Variants in ZNF853 observed in about 807,000 individuals in gnomAD.
ZNF853 encodes zinc finger protein 853.
ZNF853 carries 57 observed loss-of-function variants against 94.7 expected under a neutral mutation model. That is an observed-to-expected ratio of 0.60 (90% CI 0.49 to 0.75). The LOEUF is 0.75. Among genes scored for constraint, ZNF853 ranks in the 30% least tolerant of loss-of-function variants. The pLI is 0.00. For synonymous variants in ZNF853, 448 were observed against 406.3 expected (o/e 1.10, Z -1.23); for missense variants, 785 against 868.9 (o/e 0.90, Z 1.21).
In ZNF853 at chr7:6,621,318, G is replaced by A; in HGVS notation, c.327G>A (p.Leu109=). The stretch of plus-strand genomic sequence containing the variant: ...AGCAACAGCCGCAACACGAGCAGCT[G>A]CAACAGCCGCAGCCACACCTAGAAC... The part of the protein sequence containing the change: ...EPQQQPQHEQ[L]QQPQPHLELQ... Residue 109 remains leucine, a synonymous_variant, in exon 3 of 3, where the codon CTG becomes CTA. Transcript: ENST00000457543. 1 of 1,551,486 alleles carries A rather than the reference G, an allele frequency of 6.4e-7. No homozygotes were observed. The highest frequency in any genetic ancestry group is 8.7e-7 in the Non-Finnish European group (1 of 1,146,872).
rs1419702046 is a variant in ZNF853 at position 6,622,598 on chromosome 7, C to T, written c.1607C>T (p.Thr536Met). The change falls in exon 3 of 3, where the codon ACG becomes ATG. Residue 536 changes from threonine to methionine, a missense_variant. Thr to Met is a moderately conservative substitution (Grantham distance 81). Transcript: ENST00000457543. ...SNLVTHQRIH[T>M]GEKPYACSYC... Reference sequence around the variant, plus strand: ...CTGGTGACGCACCAACGCATCCACACGGGCGAGAAACCCTACGCCTGCTCC... The same window carrying T: ...CTGGTGACGCACCAACGCATCCACATGGGCGAGAAACCCTACGCCTGCTCC... 2.5e-6 allele frequency: 4 copies of T among 1,578,990 alleles called. No homozygotes were observed. The highest frequency in any genetic ancestry group is 3.4e-6 in the Non-Finnish European group (4 of 1,163,542).
In ZNF853 at chr7:6,621,602, T is replaced by A; in HGVS notation, c.611T>A (p.Leu204Ter). 1 of 1,550,958 alleles carries A rather than the reference T, an allele frequency of 6.4e-7. No homozygotes were observed. Among genetic ancestry groups the A allele is most frequent in the Non-Finnish European group, 8.7e-7 (1 of 1,146,620 alleles). ...CAGCAAGTGCAAGAGCAACAGCTGT[T>A]ACAGCAACAGCAGGAACAGTTACAG... ...LQQQVQEQQL[L>*]QQQQEQLQQQ... is the part of the protein sequence containing the mutation. The change falls in exon 3 of 3, where the codon TTA (leucine) becomes TAA (stop). Residue 204 changes from leucine (L) to a stop codon, truncating the protein, a stop_gained. Coordinates refer to ENST00000457543, the MANE Select transcript of ZNF853 (RefSeq NM_017560.3). LOFTEE classifies it high-confidence loss of function.
At chr7:6,616,868 G>T in intron 1 of ZNF853, among the ~76,000 whole-genome samples, 1 of 152,098 alleles carries the variant, frequency 6.6e-6, no homozygotes, top group Non-Finnish European at 1.5e-5. Flanking sequence ...TTCCTCCCTT[G>T]TGAAGGGCTG....
At chr7:6,617,139 G>T in intron 1 of ZNF853, 51 bp from the exon 2 acceptor site, 1 of 1,447,342 alleles carries the variant, frequency 6.9e-7, no homozygotes, top group Non-Finnish European at 9.3e-7. Flanking sequence ...GCACCTGGCG[G>T]GGGTCAAAGC....
chr7:6,616,218 AC>A, intron 1 of ZNF853, 32 bp downstream of exon 1: 1 of 1,546,336 alleles, frequency 6.5e-7, no homozygotes, highest in South Asian at 1.2e-5. Flanking sequence ...GCGCTGGGCA[AC>A]CGGGGACGCG....
In ZNF853 at chr7:6,621,755, TGCA is replaced by T. The variant is rs1331699596; in HGVS notation, c.775_777del (p.Gln259del). ...CAGGGACAGTTACAGCAGCAACTGT[TGCA>T]GCAGCAGCAGGCACAGTTACAACAG... On this transcript the variant is annotated inframe_deletion, in exon 3 of 3. Transcript: ENST00000457543. 1 of 1,550,192 alleles carries T rather than the reference TGCA, an allele frequency of 6.5e-7. No individual in the cohort carries two copies. Among genetic ancestry groups the T allele is most frequent in the Non-Finnish European group, 8.7e-7 (1 of 1,146,842 alleles).
chr7:6,622,095 G>A lies in ZNF853; in HGVS notation c.1104G>A (p.Leu368=), dbSNP rs941990868. The part of the protein sequence containing the change: ...QLKLQEELQQ[L]EQQLEQQQQQ... ...AACTGCAGGAGGAGCTGCAGCAGCT[G>A]GAGCAACAGCTGGAGCAGCAGCAGC... Residue 368 remains leucine (L), a synonymous_variant, in exon 3 of 3, where the codon CTG becomes CTA. Coordinates refer to ENST00000457543, the MANE Select transcript of ZNF853 (RefSeq NM_017560.3). 2 of 1,546,410 alleles carry A rather than the reference G, an allele frequency of 1.3e-6. No homozygotes were observed. Among genetic ancestry groups the A allele is most frequent in the African/African-American group, 2.7e-5 (2 of 72,978 alleles).
In ZNF853 at chr7:6,622,677, G is replaced by C; in HGVS notation, c.1686G>C (p.Thr562=). 1 of 1,578,336 alleles carries C rather than the reference G, an allele frequency of 6.3e-7. No homozygotes were observed. The change falls in exon 3 of 3, where the codon ACG becomes ACC. Residue 562 remains threonine, a synonymous_variant. Transcript: ENST00000457543. ...ESSALVQHQR[T]HTGERPYACG... ...CGGCGCTCGTGCAGCACCAGCGCAC[G>C]CACACCGGGGAGCGACCCTACGCCT...
chr7:6,615,873 C>T lies in ZNF853; in HGVS notation c.-302C>T, dbSNP rs543491187. On this transcript the variant is annotated 5_prime_UTR_variant, in exon 1 of 3. Coordinates refer to ENST00000457543, the MANE Select transcript of ZNF853 (RefSeq NM_017560.3). This position sits in a 1 kb window ranked among gnomAD's most constrained non-coding sequence, Gnocchi z 8.5. ...GCTGCCCGCGATGGTCCCGGGGGGC[C>T]GGCCCTGAGCCCCGCGCGGGATTCG... is the stretch of plus-strand genomic sequence containing the variant. 5 of 260,472 alleles carry T rather than the reference C, an allele frequency of 1.9e-5. No homozygotes were observed. The highest frequency in any genetic ancestry group is 1.1e-4 in the Admixed American group (2 of 17,980). The allele number at this position is 260,472 out of a possible 1,614,324, so 16.1% of individuals were successfully genotyped here.
At chr7:6,617,761 A>T in intron 2 of ZNF853, 1 of 483,316 alleles carries the variant, frequency 2.1e-6, no homozygotes, top group East Asian at 1.5e-4. Context: ...CTTTAGCTTG[A>T]CCTCTGCTTG....
In ZNF853 at chr7:6,622,510, C is replaced by T; in HGVS notation, c.1519C>T (p.His507Tyr). The stretch of plus-strand genomic sequence containing the variant: ...GGACCTGGTGCGCCACCAGGCCACG[C>T]ACACGGGTGAGCGGCCACACCGCTG... ...STDLVRHQAT[H>Y]TGERPHRCGE... The change falls in exon 3 of 3, where the codon CAC becomes TAC. Residue 507 changes from histidine to tyrosine, a missense_variant. Coordinates refer to ENST00000457543, the MANE Select transcript of ZNF853 (RefSeq NM_017560.3). The T allele has an allele frequency of 6.5e-7, 1 of 1,547,088 alleles. No homozygotes were observed. Among genetic ancestry groups the T allele is most frequent in the Non-Finnish European group, 8.7e-7 (1 of 1,146,100 alleles).
At chr7:6,617,483 G>A in intron 2 of ZNF853, 176 bp downstream of exon 2, 1 of 694,254 alleles carries the variant, frequency 1.4e-6, no homozygotes, top group Non-Finnish European at 1.8e-6. Context: ...GGCAGGCTGA[G>A]GCCAGGCTGG....
chr7:6,622,858 G>A lies in ZNF853; in HGVS notation c.1867G>A (p.Gly623Ser). 6.8e-7 allele frequency: 1 copy of A among 1,464,960 alleles called. No homozygotes were observed. Among genetic ancestry groups the A allele is most frequent in the Non-Finnish European group, 9.0e-7 (1 of 1,112,988 alleles). 90.7% of individuals were successfully genotyped at this position (1,464,960 alleles called of 1,614,324 possible). Reference sequence around the variant, plus strand: ...CCACGAGCGCCAGCTGCACGGCGCGGGCCGCTCCAGGGGCCTCGGCCTGCT... The same window carrying A: ...CCACGAGCGCCAGCTGCACGGCGCGAGCCGCTCCAGGGGCCTCGGCCTGCT... ...RRHERQLHGA[G>S]RSRGLGLLRA... The change falls in exon 3 of 3, where the codon GGC (glycine) becomes AGC (serine). Residue 623 changes from glycine to serine, a missense_variant. Physicochemically the swap from Gly to Ser is moderately conservative, Grantham distance 56. Coordinates refer to ENST00000457543, the MANE Select transcript of ZNF853 (RefSeq NM_017560.3).
chr7:6,622,436 A>T lies in ZNF853; in HGVS notation c.1445A>T (p.Asp482Val). The T allele has an allele frequency of 1.4e-6, 2 of 1,465,296 alleles. No individual in the cohort carries two copies. The highest frequency in any genetic ancestry group is 1.8e-6 in the Non-Finnish European group (2 of 1,116,378). The allele number at this position is 1,465,296 out of a possible 1,614,324, so 90.8% of individuals were successfully genotyped here. A position where few individuals can be genotyped will look rare whatever the true frequency, so the allele number is the denominator to read the frequency against. The change falls in exon 3 of 3, where the codon GAC (aspartate) becomes GTC (valine). Residue 482 changes from aspartate (D) to valine (V), a missense_variant. Coordinates refer to ENST00000457543, the MANE Select transcript of ZNF853 (RefSeq NM_017560.3). ...ARQRRRRRARDRPTICGECGK... is the reference protein window; with the variant it reads ...ARQRRRRRARVRPTICGECGK... Reference sequence around the variant, plus strand: ...CAGCGGCGGCGGCGGCGCGCTCGGGACCGGCCGACCATCTGCGGGGAGTGC... The same window carrying T: ...CAGCGGCGGCGGCGGCGCGCTCGGGTCCGGCCGACCATCTGCGGGGAGTGC...
intron 2 of ZNF853, chr7:6,617,542 A>C: frequency 3.1e-6 from 3 of 965,212 alleles, no homozygotes; most frequent in Non-Finnish European, 3.7e-6. Flanking sequence ...CTTAACACTC[A>C]CACGCGCTGC....
In ZNF853 at chr7:6,623,691, C is replaced by T. The variant is rs561714670; in HGVS notation, c.*720C>T. On this transcript the variant is annotated 3_prime_UTR_variant, in exon 3 of 3. Transcript: ENST00000457543. ...GCGGGCATCGGAGGCAGCTTCTTGG[C>T]CTCTGCTGCTGTGTCCCCCAGTCCC... 49 of 209,440 alleles carry T rather than the reference C, an allele frequency of 2.3e-4. No homozygotes were observed. Among genetic ancestry groups the T allele is most frequent in the Non-Finnish European group, 4.2e-4 (45 of 106,172 alleles). The allele number at this position is 209,440 out of a possible 1,614,324, so 13.0% of individuals were successfully genotyped here. A position where few individuals can be genotyped will look rare whatever the true frequency, so the allele number is the denominator to read the frequency against.
At chr7:6,617,646 T>C in intron 2 of ZNF853, 2 of 985,426 alleles carry the variant, frequency 2.0e-6, no homozygotes, top group Non-Finnish European at 2.4e-6. Context: ...CCACTCAATT[T>C]CCCGGATCCG....
In ZNF853 at chr7:6,622,408, C is replaced by T; in HGVS notation, c.1417C>T (p.Arg473Trp). The change falls in exon 3 of 3, where the codon CGG (arginine) becomes TGG (tryptophan). Residue 473 changes from arginine (R) to tryptophan (W), a missense_variant. Coordinates refer to ENST00000457543, the MANE Select transcript of ZNF853 (RefSeq NM_017560.3). ...AGGCAGCGCGGCGTTGACCCCTGCACGGCAGCGGCGGCGGCGGCGCGCTCG... is the reference window on the plus strand; with the variant it reads ...AGGCAGCGCGGCGTTGACCCCTGCATGGCAGCGGCGGCGGCGGCGCGCTCG... The part of the protein sequence containing the change: ...PAGSAALTPA[R>W]QRRRRRARDR... 1 of 1,405,596 alleles carries T rather than the reference C, an allele frequency of 7.1e-7. No homozygotes were observed. Among genetic ancestry groups the T allele is most frequent in the Non-Finnish European group, 9.2e-7 (1 of 1,088,602 alleles). 87.1% of individuals were successfully genotyped at this position (1,405,596 alleles called of 1,614,324 possible).
chr7:6,621,897 G>A lies in ZNF853; in HGVS notation c.906G>A (p.Leu302=). 1 of 1,551,078 alleles carries A rather than the reference G, an allele frequency of 6.4e-7. No homozygotes were observed. Among genetic ancestry groups the A allele is most frequent in the South Asian group, 1.2e-5 (1 of 84,018 alleles). ...TGTTGCAACAGCAGCAGGAACAATT[G>A]CAGCAGCAACAACTGCAGCCTCCTC... ...QQLLQQQQEQ[L]QQQQLQPPPL... Residue 302 remains leucine (L), a synonymous_variant, in exon 3 of 3, where the codon TTG becomes TTA. Transcript: ENST00000457543.
Sources: allele counts gnomAD v4.1 joint callset (sites outside exome capture counted in the v4.1 genomes callset), GRCh38; gene constraint gnomAD v4.1.1; non-coding constraint Gnocchi (gnomAD v3.1); transcripts MANE v1.5; gene names NCBI Gene and HGNC (gene_info 2026-07-23, HGNC 2026-07-21).